Variants in SORCS3 observed in about 807,000 individuals in gnomAD.
The protein encoded by SORCS3 is VPS10 domain-containing receptor SorCS3.
SORCS3 carries 57 observed loss-of-function variants against 146.3 expected under a neutral mutation model. The observed-to-expected ratio is 0.39, with a 90% CI of 0.31 to 0.49. The LOEUF (loss-of-function observed/expected upper bound fraction) is 0.49, where lower values mean the gene tolerates loss of function less well. Among genes scored for constraint, SORCS3 ranks in the 20% least tolerant of loss-of-function variants. The pLI, the probability that SORCS3 is intolerant of heterozygous loss-of-function variation, is 0.92. For missense variants in SORCS3, 1,341 were observed against 1,575.5 expected (o/e 0.85, Z 2.52); for synonymous variants, 653 against 618.5 (o/e 1.06, Z -0.83).
At chr10:104,950,148 A>G (rs573985773) in intron 3 of SORCS3, among the ~76,000 whole-genome samples, 2 of 152,318 alleles carry the variant, frequency 1.3e-5, no homozygotes, top group South Asian at 4.1e-4. Flanking sequence ...CCCCATCTTT[A>G]TGCCTCTGCT....
chr10:105,214,012 G>T (rs1225516556), intron 17 of SORCS3, among the ~76,000 whole-genome samples: 2 of 152,166 alleles, frequency 1.3e-5, no homozygotes, highest in Non-Finnish European at 2.9e-5. Context: ...TGTTCTACCT[G>T]CTTTCTGGTA....
chr10:105,233,914 G>A (rs750619259), intron 20 of SORCS3, among the ~76,000 whole-genome samples: 2 of 151,884 alleles, frequency 1.3e-5, no homozygotes, highest in African/African-American at 4.8e-5. Flanking sequence ...TAATCCTTTG[G>A]GTATATACCC....
At chr10:105,061,638 GC>G (rs1391168150) in intron 5 of SORCS3, among the ~76,000 whole-genome samples, 10 of 125,992 alleles carry the variant, frequency 7.9e-5, no homozygotes, top group African/African-American at 2.8e-4. Flanking sequence ...GGGTGACAGA[GC>G]GAGACCCTAT....
intron 6 of SORCS3, among the ~76,000 whole-genome samples, chr10:105,091,852 GTC>G (rs1285591833): frequency 5.9e-5 from 9 of 152,318 alleles, no homozygotes; most frequent in Non-Finnish European, 1.2e-4. Context: ...CAAATAGCCA[GTC>G]TCAGAAAATG....
intron 1 of SORCS3, among the ~76,000 whole-genome samples, chr10:104,646,711 A>C (rs1228178847): frequency 6.6e-6 from 1 of 152,096 alleles, no homozygotes; most frequent in Non-Finnish European, 1.5e-5. Flanking sequence ...CAGGGAGAAA[A>C]TGTCAAAGGA....
chr10:104,777,162 G>A (rs2017319373), intron 1 of SORCS3, among the ~76,000 whole-genome samples: 1 of 152,120 alleles, frequency 6.6e-6, no homozygotes, highest in South Asian at 2.1e-4. Flanking sequence ...GAGTTGGCTG[G>A]AAAATAGTGA....
chr10:104,977,534 T>C, intron 4 of SORCS3, 41 bp downstream of exon 4: 1 of 1,521,548 alleles, frequency 6.6e-7, no homozygotes, highest in Non-Finnish European at 8.8e-7. Context: ...GTCATCCAGG[T>C]ACCACCATGT....
intron 4 of SORCS3, among the ~76,000 whole-genome samples, chr10:104,989,780 G>C (rs1219797634): frequency 1.3e-5 from 2 of 152,170 alleles, no homozygotes; most frequent in African/African-American, 2.4e-5. Flanking sequence ...GGAAGAGGAG[G>C]CACAATGGGC....
chr10:104,711,167 A>G (rs2016410919), intron 1 of SORCS3, among the ~76,000 whole-genome samples: 1 of 152,228 alleles, frequency 6.6e-6, no homozygotes, highest in Non-Finnish European at 1.5e-5. Flanking sequence ...ACCACTTTAC[A>G]TGAATTAACT....
At chr10:105,092,616 C>A (rs1462296793) in intron 6 of SORCS3, among the ~76,000 whole-genome samples, 1 of 151,562 alleles carries the variant, frequency 6.6e-6, no homozygotes, top group Non-Finnish European at 1.5e-5. Flanking sequence ...CAAACACACA[C>A]ACACACACAC....
At chr10:104,825,827 T>TA in intron 1 of SORCS3, among the ~76,000 whole-genome samples, 1 of 152,302 alleles carries the variant, frequency 6.6e-6, no homozygotes, top group Middle Eastern at 3.4e-3. Context: ...AATGGATTTT[T>TA]AATTCATTTT....
At chr10:104,853,750 C>G (rs181442753) in intron 2 of SORCS3, among the ~76,000 whole-genome samples, 2 of 152,298 alleles carry the variant, frequency 1.3e-5, no homozygotes, top group Admixed American at 1.3e-4. Context: ...GCACATGGTT[C>G]TGGGAATACC....
intron 4 of SORCS3, among the ~76,000 whole-genome samples, chr10:105,022,930 TG>T (rs2133690037): frequency 6.6e-6 from 1 of 152,140 alleles, no homozygotes; most frequent in African/African-American, 2.4e-5. Flanking sequence ...AAAAAGGACT[TG>T]AGAAGAAATA....
At chr10:104,677,175 C>A (rs907003959) in intron 1 of SORCS3, among the ~76,000 whole-genome samples, 1 of 152,216 alleles carries the variant, frequency 6.6e-6, no homozygotes, top group African/African-American at 2.4e-5. Context: ...TTTGTGGTGA[C>A]AGTCACATTT....
chr10:105,204,915 T>C (rs1347813720), intron 16 of SORCS3, among the ~76,000 whole-genome samples: 1 of 152,206 alleles, frequency 6.6e-6, no homozygotes, highest in Non-Finnish European at 1.5e-5. Flanking sequence ...ATACAGTTTG[T>C]CTGTTTGCTG....
chr10:105,230,462 T>G (rs2056760001), intron 20 of SORCS3, among the ~76,000 whole-genome samples: 1 of 152,148 alleles, frequency 6.6e-6, no homozygotes, highest in South Asian at 2.1e-4. Flanking sequence ...TATCTTAGCC[T>G]AGGTGGCAGA....
intron 9 of SORCS3, among the ~76,000 whole-genome samples, chr10:105,156,555 G>A (rs2056210937): frequency 6.6e-6 from 1 of 152,166 alleles, no homozygotes. Flanking sequence ...AAGAGGAATA[G>A]GGCTTATTCC....
intron 1 of SORCS3, among the ~76,000 whole-genome samples, chr10:104,760,549 A>G (rs1024424941): frequency 3.9e-5 from 6 of 152,208 alleles, no homozygotes; most frequent in African/African-American, 1.4e-4. Flanking sequence ...AGAGCCCAGT[A>G]ACTATTTCTT....
chr10:104,975,451 G>C (rs1240271187), intron 3 of SORCS3, among the ~76,000 whole-genome samples: 1 of 152,106 alleles, frequency 6.6e-6, no homozygotes, highest in African/African-American at 2.4e-5. Context: ...CTCATGGGTA[G>C]GAAGAATCAG....
Sources: gnomAD v4.1 joint callset for allele counts (sites outside exome capture counted in the v4.1 genomes callset) on GRCh38, gnomAD v4.1.1 for gene constraint, MANE v1.5 for transcripts, NCBI Gene and HGNC (gene_info 2026-07-23, HGNC 2026-07-21) for gene names.